The following PLCL1 variants were observed in gnomAD, a reference collection of about 807,000 sequenced individuals.
PLCL1 encodes the protein inactive phospholipase C-like protein 1.
Under a neutral mutation model 84.4 loss-of-function variants are expected in PLCL1, and 41 were observed. The ratio of observed to expected loss-of-function variants is 0.49; its 90% CI spans 0.38 to 0.63. The LOEUF is 0.63. Among genes scored for constraint, PLCL1 ranks in the 30% least tolerant of loss-of-function variants. The probability of loss-of-function intolerance (pLI) is 0.00; values close to 1 mark genes in which losing one functional copy is unlikely to be tolerated. For synonymous variants in PLCL1, 490 were observed against 488.3 expected (o/e 1.00, Z -0.05); for missense variants, 1,206 against 1,367.8 (o/e 0.88, Z 1.87).
intron 1 of PLCL1, among the ~76,000 whole-genome samples, chr2:197,837,434 T>C (rs986830984): frequency 2.1e-4 from 32 of 152,344 alleles, no homozygotes; most frequent in African/African-American, 7.2e-4. Context: ...AGCCGTTTTC[T>C]TGAAATCAGT....
At chr2:197,901,710 G>C (rs1688272388) in intron 1 of PLCL1, among the ~76,000 whole-genome samples, 1 of 152,186 alleles carries the variant, frequency 6.6e-6, no homozygotes, top group South Asian at 2.1e-4. Context: ...TTCTTTCAAA[G>C]CTTCAAGCTC....
intron 1 of PLCL1, among the ~76,000 whole-genome samples, chr2:197,914,715 T>C (rs1302457868): frequency 6.6e-6 from 1 of 152,206 alleles, no homozygotes; most frequent in Non-Finnish European, 1.5e-5. Context: ...CAGGGTGATT[T>C]ATTAAATCAG....
At chr2:198,093,544 A>G (rs905305774) in intron 3 of PLCL1, among the ~76,000 whole-genome samples, 4 of 152,184 alleles carry the variant, frequency 2.6e-5, no homozygotes, top group Non-Finnish European at 5.9e-5. Context: ...CAAATCCAAG[A>G]TTTATTGCCT....
intron 3 of PLCL1, among the ~76,000 whole-genome samples, chr2:198,099,313 T>C (rs374147901): frequency 7.2e-5 from 11 of 152,140 alleles, no homozygotes; most frequent in African/African-American, 2.4e-4. Context: ...AAATCGACCA[T>C]TTTTTCTCCC....
At chr2:197,817,382 G>T (rs1690712048) in intron 1 of PLCL1, among the ~76,000 whole-genome samples, 1 of 152,086 alleles carries the variant, frequency 6.6e-6, no homozygotes, top group South Asian at 2.1e-4. Flanking sequence ...GCACGTGTGT[G>T]TGTGTGTGTA....
At chr2:197,847,316 A>G (rs1687138203) in intron 1 of PLCL1, among the ~76,000 whole-genome samples, 2 of 152,220 alleles carry the variant, frequency 1.3e-5, no homozygotes, top group Non-Finnish European at 2.9e-5. Context: ...ATGAAAGAAC[A>G]TATAATAAAT....
chr2:197,891,537 T>TA (rs1167295933), intron 1 of PLCL1, among the ~76,000 whole-genome samples: 1 of 151,800 alleles, frequency 6.6e-6, no homozygotes, highest in East Asian at 1.9e-4. Context: ...TATTGCCAGA[T>TA]ACTGGAGGAG....
At chr2:197,836,532 A>C (rs1691193117) in intron 1 of PLCL1, among the ~76,000 whole-genome samples, 1 of 151,962 alleles carries the variant, frequency 6.6e-6, no homozygotes, top group Non-Finnish European at 1.5e-5. Flanking sequence ...AATATATAGA[A>C]TAAATAAAAG....
intron 1 of PLCL1, among the ~76,000 whole-genome samples, chr2:197,842,563 C>G (rs538529484): frequency 6.6e-6 from 1 of 152,258 alleles, no homozygotes; most frequent in East Asian, 1.9e-4. Context: ...CTTTGAATCT[C>G]TCTTATCTCA....
chr2:197,849,734 CTT>C (rs1415996991), intron 1 of PLCL1, among the ~76,000 whole-genome samples: 1 of 151,944 alleles, frequency 6.6e-6, no homozygotes, highest in African/African-American at 2.4e-5. Flanking sequence ...TCCTCATAGA[CTT>C]TGAGAAAATC....
chr2:198,065,836 A>C (rs1371642201), intron 1 of PLCL1, among the ~76,000 whole-genome samples: 1 of 152,188 alleles, frequency 6.6e-6, no homozygotes, highest in Non-Finnish European at 1.5e-5. Flanking sequence ...TTGATAAGAC[A>C]CTGAGGGATT....
intron 1 of PLCL1, among the ~76,000 whole-genome samples, chr2:198,025,888 T>C (rs1357484156): frequency 6.6e-6 from 1 of 152,160 alleles, no homozygotes; most frequent in Non-Finnish European, 1.5e-5. Context: ...AAAATAGTGA[T>C]TCATAAACTA....
chr2:198,052,206 C>T (rs1429035554), intron 1 of PLCL1, among the ~76,000 whole-genome samples: 1 of 152,024 alleles, frequency 6.6e-6, no homozygotes, highest in Non-Finnish European at 1.5e-5. Context: ...GCCACCGCGC[C>T]CAGCCCCTAA....
At chr2:198,083,082 T>C (rs1288670653) in intron 1 of PLCL1, among the ~76,000 whole-genome samples, 3 of 152,356 alleles carry the variant, frequency 2.0e-5, no homozygotes, top group Middle Eastern at 3.4e-3. Flanking sequence ...GAGCCATTCA[T>C]ATTTCTGTTT....
intron 1 of PLCL1, among the ~76,000 whole-genome samples, chr2:198,060,466 G>T (rs1692167405): frequency 6.6e-6 from 1 of 152,196 alleles, no homozygotes; most frequent in Non-Finnish European, 1.5e-5. Flanking sequence ...ACTGCTTGTT[G>T]AATTGGTCTC....
chr2:197,838,198 C>T (rs1300438374), intron 1 of PLCL1, among the ~76,000 whole-genome samples: 1 of 152,142 alleles, frequency 6.6e-6, no homozygotes, highest in African/African-American at 2.4e-5. Flanking sequence ...GTGATGCTAG[C>T]TAATCATCTT....
At chr2:197,951,557 A>G (rs542153061) in intron 1 of PLCL1, among the ~76,000 whole-genome samples, 6 of 152,312 alleles carry the variant, frequency 3.9e-5, no homozygotes, top group South Asian at 2.1e-4. Flanking sequence ...GCCGGTCTGC[A>G]GTGAGAAGGT....
intron 5 of PLCL1, among the ~76,000 whole-genome samples, chr2:198,140,440 A>G (rs1357583342): frequency 6.6e-6 from 1 of 152,164 alleles, no homozygotes; most frequent in East Asian, 1.9e-4. Flanking sequence ...CTTAAAATGC[A>G]GTTAATTACT....
At chr2:198,044,937 ATAGGAATTAG>A (rs1691751150) in intron 1 of PLCL1, among the ~76,000 whole-genome samples, 32 of 152,212 alleles carry the variant, frequency 2.1e-4, no homozygotes, top group Admixed American at 2.1e-3. Context: ...AGCATATAAC[ATAGGAATTAG>A]CAGATAGCTT....
Sources: gnomAD v4.1 joint callset for allele counts (sites outside exome capture counted in the v4.1 genomes callset) on GRCh38, gnomAD v4.1.1 for gene constraint, MANE v1.5 for transcripts, NCBI Gene and HGNC (gene_info 2026-07-23, HGNC 2026-07-21) for gene names.